CCDC171: variants seen among roughly 807,000 people sequenced by gnomAD.
The protein encoded by CCDC171 is coiled-coil domain containing 171.
In CCDC171, 177 loss-of-function variants were observed where a neutral mutation model predicts 168.2. That is an observed-to-expected ratio of 1.05 (90% confidence interval 0.93 to 1.19). The LOEUF (loss-of-function observed/expected upper bound fraction) is 1.19, where lower values mean the gene tolerates loss of function less well. Ranked by LOEUF, CCDC171 falls within the 50% of genes most tolerant of loss-of-function variation. The pLI is 0.00. For missense variants in CCDC171, 1,991 were observed against 1,539.0 expected, an observed-to-expected ratio of 1.29 and a Z score of -4.91; for synonymous variants, 687 against 540.8, an observed-to-expected ratio of 1.27 and a Z score of -3.75.
At chr9:15,831,823 T>TA (rs2060245666) in intron 21 of CCDC171, among the ~76,000 whole-genome samples, 1 of 151,872 alleles carries the variant, frequency 6.6e-6, no homozygotes, top group Non-Finnish European at 1.5e-5. Flanking sequence ...AACTGCCTTT[T>TA]AAAAAATGTT....
intron 7 of CCDC171, among the ~76,000 whole-genome samples, chr9:15,637,663 C>T (rs1228709514): frequency 2.2e-5 from 3 of 133,398 alleles, no homozygotes; most frequent in African/African-American, 8.5e-5. Flanking sequence ...TGTTCCCCTT[C>T]CTGTGTCCAT....
intron 21 of CCDC171, among the ~76,000 whole-genome samples, chr9:15,818,847 AC>A (rs1249018203): frequency 3.4e-5 from 4 of 116,952 alleles, no homozygotes; most frequent in Admixed American, 3.2e-4. Flanking sequence ...AGAGAACGCC[AC>A]AAAAATACTC....
At chr9:16,099,852 T>C in the CCDC171 span, among the ~76,000 whole-genome samples, 1 of 152,204 alleles carries the variant, frequency 6.6e-6, no homozygotes, top group African/African-American at 2.4e-5. Flanking sequence ...TTAGTGCATG[T>C]TGGCCAAATA....
chr9:15,570,348 G>C lies in CCDC171; in HGVS notation c.42-1276G>C, dbSNP rs551320760. Among the ~76,000 whole-genome samples, 5 of 152,056 alleles carry C rather than the reference G, an allele frequency of 3.3e-5. No homozygotes were observed. In the South Asian group the frequency reaches 1.0e-3, roughly 32 times the overall value. ...ATTGCAGTCATGGATGTGACATATG[G>C]ATGATATACTCCTATTTTTTTTAGT... On this transcript the variant is annotated intron_variant, in intron 2 of 25. Transcript: ENST00000380701.
intron 16 of CCDC171, among the ~76,000 whole-genome samples, chr9:15,743,987 T>C (rs2055078304): frequency 1.3e-5 from 2 of 152,230 alleles, no homozygotes; most frequent in African/African-American, 4.8e-5. Flanking sequence ...TGTGTTTATG[T>C]ATAAGTCTAC....
intron 22 of CCDC171, among the ~76,000 whole-genome samples, chr9:15,848,321 C>T (rs1395970900): frequency 6.6e-6 from 1 of 151,760 alleles, no homozygotes; most frequent in African/African-American, 2.4e-5. Flanking sequence ...CTTTTTATTT[C>T]ATTATGAAGG....
intron 1 of CCDC171, among the ~76,000 whole-genome samples, chr9:16,058,783 C>T (rs1833883582): frequency 6.6e-6 from 1 of 152,214 alleles, no homozygotes; most frequent in Non-Finnish European, 1.5e-5. Flanking sequence ...CTCAACTGAG[C>T]TTCTTATTTC....
intron 3 of CCDC171, among the ~76,000 whole-genome samples, chr9:15,983,293 G>A (rs1831864100): frequency 1.3e-5 from 2 of 151,928 alleles, no homozygotes; most frequent in South Asian, 4.2e-4. Flanking sequence ...CATAATAGTT[G>A]ACAAGTACAT....
chr9:15,728,087 C>G, intron 15 of CCDC171, 51 bp downstream of exon 15: 1 of 1,418,636 alleles, frequency 7.0e-7, no homozygotes, highest in Non-Finnish European at 9.7e-7. Flanking sequence ...TGACATTTGT[C>G]CACATCACAG....
At chr9:15,652,067 C>T (rs1234982759) in intron 7 of CCDC171, among the ~76,000 whole-genome samples, 1 of 152,072 alleles carries the variant, frequency 6.6e-6, no homozygotes, top group Admixed American at 6.6e-5. Flanking sequence ...CCTCACCACA[C>T]CCGGCTAATT....
rs115723301 is a variant in CCDC171, at chr9:15,795,316, G to C, written c.3267+10622G>C. Reference sequence around the variant, plus strand: ...TAACTTTATTAATTCATTTATGATGGCAGAGCCCTGATGACCTAATCACCT... The same window carrying C: ...TAACTTTATTAATTCATTTATGATGCCAGAGCCCTGATGACCTAATCACCT... On this transcript the variant is annotated intron_variant, in intron 21 of 25. Coordinates refer to ENST00000380701, the MANE Select transcript of CCDC171 (RefSeq NM_173550.4). Among the ~76,000 whole-genome samples the C allele has an allele frequency of 1.6e-3, 247 of 152,230 alleles. 1 individual carries two copies. Among genetic ancestry groups the C allele is most frequent in the African/African-American group, 5.9e-3 (246 of 41,540 alleles).
chr9:16,079,552 C>T, the CCDC171 span, among the ~76,000 whole-genome samples: 2 of 152,176 alleles, frequency 1.3e-5, no homozygotes, highest in African/African-American at 2.4e-5. Context: ...AAGAAGCAAA[C>T]GAACAAAGAA....
At chr9:15,570,079 C>CCTGCCT (rs989037089) in intron 2 of CCDC171, among the ~76,000 whole-genome samples, 1 of 152,124 alleles carries the variant, frequency 6.6e-6, no homozygotes, top group African/African-American at 2.4e-5. Flanking sequence ...CAAGGATTCT[C>CCTGCCT]CTGCCTTTGC....
chr9:15,613,240 C>T (rs192967735), intron 6 of CCDC171, among the ~76,000 whole-genome samples: 2 of 152,190 alleles, frequency 1.3e-5, no homozygotes, highest in East Asian at 3.9e-4. Flanking sequence ...TGATGATAAC[C>T]ATCTTAGTGG....
At position 15,644,629 on chromosome 9, in the gene CCDC171, G is replaced by A. The variant is rs564059631; in HGVS notation, c.823-12498G>A. On this transcript the variant is annotated intron_variant, in intron 7 of 25. Transcript: ENST00000380701. ...CTGGCTCGGAGAGTCCCATGCCCACGGAGCCTCGCTTATTGCTAGCACAGC... is the reference window on the plus strand; with the variant it reads ...CTGGCTCGGAGAGTCCCATGCCCACAGAGCCTCGCTTATTGCTAGCACAGC... Among the ~76,000 whole-genome samples, 12 of 152,298 alleles carry A rather than the reference G, an allele frequency of 7.9e-5. No homozygotes were observed. In the South Asian group the frequency reaches 1.5e-3, roughly 18 times the overall value.
chr9:15,603,407 C>A (rs533721191), intron 6 of CCDC171, among the ~76,000 whole-genome samples: 3 of 152,282 alleles, frequency 2.0e-5, no homozygotes, highest in South Asian at 4.1e-4. Flanking sequence ...TCCCTCCCTT[C>A]ACTCCACCCT....
chr9:15,591,710 G>C (rs913338480), intron 5 of CCDC171, among the ~76,000 whole-genome samples, 154 bp downstream of exon 5: 1 of 151,518 alleles, frequency 6.6e-6, no homozygotes, highest in Non-Finnish European at 1.5e-5. Context: ...CATATTTGCT[G>C]GTCTCTTTTG....
intron 2 of CCDC171, among the ~76,000 whole-genome samples, chr9:15,569,671 C>T (rs1387167444): frequency 1.3e-5 from 2 of 151,464 alleles, no homozygotes; most frequent in African/African-American, 2.4e-5. Flanking sequence ...AAAAATTAGC[C>T]GGGCGTGGTG....
intron 1 of CCDC171, among the ~76,000 whole-genome samples, chr9:16,050,784 G>A (rs1031779211): frequency 6.6e-6 from 1 of 152,148 alleles, no homozygotes; most frequent in African/African-American, 2.4e-5. Flanking sequence ...ACAAGATCTG[G>A]GCTCTTGAGC....
Sources: gnomAD v4.1 joint callset for allele counts (sites outside exome capture counted in the v4.1 genomes callset) on GRCh38, gnomAD v4.1.1 for gene constraint, MANE v1.5 for transcripts, NCBI Gene and HGNC (gene_info 2026-07-23, HGNC 2026-07-21) for gene names.